Variants in OXR1 observed in about 807,000 individuals in gnomAD.
OXR1 encodes the protein oxidation resistance protein 1.
OXR1 carries 41 observed loss-of-function variants against 104.6 expected under a neutral mutation model. The ratio of observed to expected loss-of-function variants is 0.39; its 90% confidence interval spans 0.31 to 0.51. The LOEUF is 0.51. OXR1 is among the 20% of genes least tolerant of loss of function. The pLI, the probability that OXR1 is intolerant of heterozygous loss-of-function variation, is 0.77. For synonymous variants in OXR1, 348 were observed against 348.4 expected, an observed-to-expected ratio of 1.00 and a Z score of 0.01; for missense variants, 955 against 1,031.9, an observed-to-expected ratio of 0.93 and a Z score of 1.02.
At chr8:106,299,279 C>G (rs534118491) in intron 1 of OXR1, among the ~76,000 whole-genome samples, 1 of 151,908 alleles carries the variant, frequency 6.6e-6, no homozygotes, top group African/African-American at 2.4e-5. Flanking sequence ...GATTTAAGAG[C>G]TTCTGCTCAC....
chr8:106,527,685 C>T (rs1047547604), intron 3 of OXR1, among the ~76,000 whole-genome samples: 2 of 152,172 alleles, frequency 1.3e-5, no homozygotes, highest in East Asian at 1.9e-4. Context: ...ACATTTCAAG[C>T]ATTTTAATAT....
chr8:106,645,101 A>C (rs1209483094), intron 3 of OXR1, among the ~76,000 whole-genome samples: 1 of 152,118 alleles, frequency 6.6e-6, no homozygotes, highest in African/African-American at 2.4e-5. Context: ...ATTTTACTAC[A>C]TAATGTATAG....
In OXR1 at chr8:106,742,431, G is replaced by A. The variant is rs1834999282; in HGVS notation, c.2412+114G>A. The A allele has an allele frequency of 1.5e-5, 9 of 606,106 alleles. No homozygotes were observed. In the East Asian group the frequency reaches 2.8e-4, roughly 19 times the overall value. 37.5% of individuals were successfully genotyped at this position (606,106 alleles called of 1,614,324 possible). On this transcript the variant is annotated intron_variant, in intron 15 of 16. Transcript: ENST00000517566. ...TAAACTACCACTGATATTCTTCACA[G>A]AATTAGGAAAAACTATTTTAAAGTT... is the stretch of plus-strand genomic sequence containing the variant.
chr8:106,388,665 G>A (rs934413690), intron 2 of OXR1, among the ~76,000 whole-genome samples: 2 of 152,160 alleles, frequency 1.3e-5, no homozygotes, highest in South Asian at 4.1e-4. Context: ...CTTGTGATCC[G>A]CCCGCCTCGG....
At chr8:106,469,280 C>T (rs751757136) in intron 2 of OXR1, among the ~76,000 whole-genome samples, 17 of 151,846 alleles carry the variant, frequency 1.1e-4, no homozygotes, top group African/African-American at 3.1e-4. Context: ...CTCCACTTTA[C>T]GTAATTTCCC....
At chr8:106,523,091 G>C (rs1268390102) in intron 3 of OXR1, among the ~76,000 whole-genome samples, 3 of 152,200 alleles carry the variant, frequency 2.0e-5, no homozygotes, top group Non-Finnish European at 2.9e-5. Flanking sequence ...CTTGCTTGCT[G>C]TCAACCAGGG....
At chr8:106,717,293 A>G (rs1447291087) in intron 11 of OXR1, among the ~76,000 whole-genome samples, 1 of 152,214 alleles carries the variant, frequency 6.6e-6, no homozygotes, top group East Asian at 1.9e-4. Flanking sequence ...AACAGGAAGA[A>G]TTTGGCTAAA....
chr8:106,520,222 T>A (rs1385102970), intron 3 of OXR1, among the ~76,000 whole-genome samples: 1 of 151,394 alleles, frequency 6.6e-6, no homozygotes, highest in African/African-American at 2.4e-5. Context: ...TTTGATTTTT[T>A]AGTAGCCATT....
intron 3 of OXR1, among the ~76,000 whole-genome samples, chr8:106,583,288 A>G (rs1486303155): frequency 6.6e-6 from 1 of 152,184 alleles, no homozygotes. Flanking sequence ...AAATACTTCA[A>G]GCTAAATTAC....
At chr8:106,731,719 A>G (rs1833911245) in intron 11 of OXR1, among the ~76,000 whole-genome samples, 1 of 152,016 alleles carries the variant, frequency 6.6e-6, no homozygotes, top group Admixed American at 6.5e-5. Flanking sequence ...GATATTTCTG[A>G]GTGTTTTATT....
chr8:106,447,905 G>T (rs1383419144), intron 2 of OXR1: 1 of 1,512,076 alleles, frequency 6.6e-7, no homozygotes, highest in African/African-American at 1.4e-5. Flanking sequence ...GGCTCCTGGC[G>T]GAGGTAGTGG....
chr8:106,551,860 A>ATGTGTGTGTGTGTG (rs71307068), intron 3 of OXR1, among the ~76,000 whole-genome samples: 6 of 126,576 alleles, frequency 4.7e-5, no homozygotes, highest in Admixed American at 8.4e-5. Context: ...GTGTATATAT[A>ATGTGTGTGTGTGTG]TGTGTGTGTG....
chr8:106,679,612 A>G (rs1270763340), intron 4 of OXR1, among the ~76,000 whole-genome samples: 1 of 152,090 alleles, frequency 6.6e-6, no homozygotes, highest in Non-Finnish European at 1.5e-5. Flanking sequence ...TGTGATCTTC[A>G]TTATATTCGC....
intron 1 of OXR1, among the ~76,000 whole-genome samples, chr8:106,295,344 A>T (rs545876035): frequency 1.3e-5 from 2 of 152,308 alleles, no homozygotes; most frequent in East Asian, 1.9e-4. Flanking sequence ...ATAGTGCTTC[A>T]AAAATAAAGG....
chr8:106,501,467 GGACACGATC>G, intron 2 of OXR1, among the ~76,000 whole-genome samples: 1 of 152,160 alleles, frequency 6.6e-6, no homozygotes, highest in East Asian at 1.9e-4. Flanking sequence ...ATGGAGTGAC[GGACACGATC>G]TGAATTATGT....
intron 1 of OXR1, among the ~76,000 whole-genome samples, chr8:106,344,256 A>G (rs1397102574): frequency 7.5e-6 from 1 of 132,560 alleles, no homozygotes; most frequent in African/African-American, 2.7e-5. Context: ...CTTCCCACGA[A>G]CTACAGTTTC....
At chr8:106,562,765 G>A (rs1202617381) in intron 3 of OXR1, among the ~76,000 whole-genome samples, 9 of 152,264 alleles carry the variant, frequency 5.9e-5, no homozygotes, top group South Asian at 2.1e-4. Flanking sequence ...GACTAACAGC[G>A]GATCTCTTTG....
At chr8:106,291,830 A>T (rs1812768515) in intron 1 of OXR1, among the ~76,000 whole-genome samples, 1 of 152,168 alleles carries the variant, frequency 6.6e-6, no homozygotes, top group Non-Finnish European at 1.5e-5. Flanking sequence ...CAGGCAAGAG[A>T]GCATGTGCAG....
At chr8:106,444,215 A>T (rs764763270) in intron 2 of OXR1, among the ~76,000 whole-genome samples, 3 of 152,226 alleles carry the variant, frequency 2.0e-5, no homozygotes, top group Non-Finnish European at 4.4e-5. Flanking sequence ...CTGTGGAGAA[A>T]TAGGAATGCT....
Sources: allele counts gnomAD v4.1 joint callset (sites outside exome capture counted in the v4.1 genomes callset), GRCh38; gene constraint gnomAD v4.1.1; transcripts MANE v1.5; gene names NCBI Gene and HGNC (gene_info 2026-07-23, HGNC 2026-07-21).